RASA3: variants seen among roughly 807,000 people sequenced by gnomAD.
RASA3 encodes the protein RAS p21 protein activator 3, also known as ras GTPase-activating protein 3.
Under a neutral mutation model 110.0 loss-of-function variants are expected in RASA3, and 73 were observed. The ratio of observed to expected loss-of-function variants is 0.66; its 90% CI spans 0.55 to 0.81. The LOEUF is 0.81. Among genes scored for constraint, RASA3 ranks in the 30% least tolerant of loss-of-function variants. The pLI, the probability that RASA3 is intolerant of heterozygous loss-of-function variation, is 0.00. For missense variants in RASA3, 976 were observed against 1,113.2 expected, an observed-to-expected ratio of 0.88 and a Z score of 1.75; for synonymous variants, 500 against 451.4, an observed-to-expected ratio of 1.11 and a Z score of -1.37.
chr13:114,100,978 C>T, intron 1 of RASA3, among the ~76,000 whole-genome samples: 1 of 152,230 alleles, frequency 6.6e-6, no homozygotes, highest in Non-Finnish European at 1.5e-5. Context: ...CGGCTGACCA[C>T]ATGTGACTGA....
intron 1 of RASA3, among the ~76,000 whole-genome samples, chr13:114,090,467 G>T (rs2079876053): frequency 6.6e-6 from 1 of 152,204 alleles, no homozygotes; most frequent in South Asian, 2.1e-4. Context: ...TCTCTGAAGA[G>T]AAGGGACCGA....
At position 113,995,137 on chromosome 13, in the gene RASA3, A is replaced by G. The variant is rs551762042; in HGVS notation, c.2141+1394T>C. Among the ~76,000 whole-genome samples the G allele has an allele frequency of 5.3e-5, 8 of 152,354 alleles. No homozygotes were observed. The South Asian group carries it at 1.0e-3, about 20-fold the overall frequency. On this transcript the variant is annotated intron_variant, in intron 21 of 23. Transcript: ENST00000334062. The stretch of plus-strand genomic sequence containing the variant: ...GAGCAAACTCGGCAGACGTGTTCTC[A>G]TGGAGATAAATGGCCTGGAAGGAAG...
intron 23 of RASA3, 80 bp from the exon 24 acceptor site, chr13:113,979,502 G>A (rs184330604): frequency 4.9e-4 from 560 of 1,133,290 alleles, no homozygotes; most frequent in Non-Finnish European, 7.0e-4. Flanking sequence ...AGCTTTTCCT[G>A]TTCCTAAATG....
rs144655644 is a variant in RASA3 at position 114,053,697 on chromosome 13, C to G, written c.174-1542G>C. Among the ~76,000 whole-genome samples the G allele has an allele frequency of 6.0e-3, 911 of 152,342 alleles. 2 individuals carry two copies. Among genetic ancestry groups the G allele is most frequent in the African/African-American group, 0.018 (731 of 41,556 alleles). On this transcript the variant is annotated intron_variant, in intron 2 of 23. Transcript: ENST00000334062. Reference sequence around the variant, plus strand: ...CTCTCAGAAGAAAATGAGAATGAACCTGCACCCTAAAGTCAGGTAAAGATG... The same window carrying G: ...CTCTCAGAAGAAAATGAGAATGAACGTGCACCCTAAAGTCAGGTAAAGATG...
rs1279799329 is a variant in RASA3, at chr13:113,995,762, C to T, written c.2141+769G>A. ...CTGACGGGGGCCCGGCTGACGGGGG[C>T]CCGGCTGACGGGGGGCCCGGCTGAC... On this transcript the variant is annotated intron_variant, in intron 21 of 23. Transcript: ENST00000334062. Among the ~76,000 whole-genome samples, 13 of 19,488 alleles carry T rather than the reference C, an allele frequency of 6.7e-4. 2 individuals are homozygous for T. Among genetic ancestry groups the T allele is most frequent in the Non-Finnish European group, 9.6e-4 (12 of 12,468 alleles). The allele number at this position is 19,488 out of a possible 152,430, so 12.8% of individuals were successfully genotyped here.
At chr13:114,124,010 C>T (rs1288943056) in intron 1 of RASA3, among the ~76,000 whole-genome samples, 4 of 152,158 alleles carry the variant, frequency 2.6e-5, no homozygotes, top group Admixed American at 1.3e-4. Flanking sequence ...GTCAAGGCAC[C>T]GGTTTCGGTC....
intron 1 of RASA3, among the ~76,000 whole-genome samples, chr13:114,088,595 A>T (rs1191253317): frequency 6.7e-6 from 1 of 149,326 alleles, no homozygotes; most frequent in East Asian, 1.9e-4. Flanking sequence ...TTTATTGCCC[A>T]GGCTGGAGTG....
rs10638832 is a variant in RASA3 at position 114,014,022 on chromosome 13, C to CTCTATCTCTCTCTCCATCTCTA, written c.1406-775_1406-774insTAGAGATGGAGAGAGAGATAGA. Among the ~76,000 whole-genome samples, 1 of 120,334 alleles carries CTCTATCTCTCTCTCCATCTCTA rather than the reference C, an allele frequency of 8.3e-6. No individual in the cohort carries two copies. The highest frequency in any genetic ancestry group is 1.8e-5 in the Non-Finnish European group (1 of 54,980). The allele number at this position is 120,334 out of a possible 152,430, so 78.9% of individuals were successfully genotyped here. A position where few individuals can be genotyped will look rare whatever the true frequency, so the allele number is the denominator to read the frequency against. ...TCCGTCTGTCTCTGTCTCTCTCCAT[C>CTCTATCTCTCTCTCCATCTCTA]TCTCTCTCTCCGTCTCTATCTCTCT... On this transcript the variant is annotated intron_variant, in intron 14 of 23. Transcript: ENST00000334062. This position sits in a 1 kb window ranked among gnomAD's most constrained non-coding sequence, Gnocchi z 4.5.
At chr13:114,025,518 A>C (rs758027505) in intron 7 of RASA3, among the ~76,000 whole-genome samples, 4 of 152,106 alleles carry the variant, frequency 2.6e-5, no homozygotes, top group Non-Finnish European at 5.9e-5. Flanking sequence ...TCTGCAGGGC[A>C]GGTCGGGAGC....
chr13:114,028,196 T>C (rs1309851124), intron 5 of RASA3, among the ~76,000 whole-genome samples: 1 of 130,428 alleles, frequency 7.7e-6, no homozygotes, highest in Non-Finnish European at 1.6e-5. Flanking sequence ...TAAAGCAGCG[T>C]CATCGGGGGG....
At position 114,096,657 on chromosome 13, in the gene RASA3, T is replaced by C. The variant is rs1054273595; in HGVS notation, c.56-22820A>G. ...TCCCAAACGCCTTCCCTTTCCATTC[T>C]CTAAATACTGTAGCACCACACTGAC... On this transcript the variant is annotated intron_variant, in intron 1 of 23. Transcript: ENST00000334062. This position sits in a 1 kb window ranked among gnomAD's most constrained non-coding sequence, Gnocchi z 5.1. Among the ~76,000 whole-genome samples the C allele has an allele frequency of 6.6e-6, 1 of 152,002 alleles. No homozygotes were observed. The highest frequency in any genetic ancestry group is 1.5e-5 in the Non-Finnish European group (1 of 68,004).
intron 2 of RASA3, among the ~76,000 whole-genome samples, chr13:114,061,357 A>G (rs938804982): frequency 6.6e-6 from 1 of 152,136 alleles, no homozygotes; most frequent in Admixed American, 6.5e-5. Flanking sequence ...GGTTTCTAAA[A>G]ACCCCAGGCG....
At chr13:114,028,430 G>A (rs2054075772) in intron 5 of RASA3, among the ~76,000 whole-genome samples, 1 of 150,064 alleles carries the variant, frequency 6.7e-6, no homozygotes, top group Admixed American at 6.6e-5. Flanking sequence ...GCATCATCCT[G>A]GGGGCCAGGA....
At chr13:114,123,239 G>A (rs2080403087) in intron 1 of RASA3, among the ~76,000 whole-genome samples, 1 of 152,206 alleles carries the variant, frequency 6.6e-6, no homozygotes, top group Admixed American at 6.5e-5. Flanking sequence ...CAGAGCAATG[G>A]CTGCTCTGGG....
At chr13:114,122,045 T>C (rs913884574) in intron 1 of RASA3, among the ~76,000 whole-genome samples, 2 of 152,178 alleles carry the variant, frequency 1.3e-5, no homozygotes, top group African/African-American at 4.8e-5. Context: ...CCACCGCAAA[T>C]CCCAGAATCT....
At chr13:114,116,040 G>C (rs2080270893) in intron 1 of RASA3, among the ~76,000 whole-genome samples, 1 of 152,206 alleles carries the variant, frequency 6.6e-6, no homozygotes, top group African/African-American at 2.4e-5. Flanking sequence ...GGCCTGGAGG[G>C]TGACAGGTCA....
At position 114,015,297 on chromosome 13, in the gene RASA3, G is replaced by A. The variant is rs758936297; in HGVS notation, c.1317C>T (p.His439=). Residue 439 remains histidine (H), a synonymous_variant, in exon 14 of 24, where the codon CAC becomes CAT. Transcript: ENST00000334062. The part of the protein sequence containing the change: ...NLRQYVDRVF[H]AITESGVSCP... ...AGCTCACCCCAGACTCAGTGATGGCGTGGAAGACGCGGTCCACATACTGCC... is the reference window on the plus strand; with the variant it reads ...AGCTCACCCCAGACTCAGTGATGGCATGGAAGACGCGGTCCACATACTGCC... The A allele has an allele frequency of 3.1e-5, 50 of 1,612,950 alleles. No homozygotes were observed. The Admixed American group carries it at 5.8e-4, about 19-fold the overall frequency.
chr13:114,104,545 C>T (rs1020484132), intron 1 of RASA3, among the ~76,000 whole-genome samples: 1 of 152,148 alleles, frequency 6.6e-6, no homozygotes, highest in African/African-American at 2.4e-5. Context: ...CGGGCACACC[C>T]AGCGCAATTA....
chr13:113,989,397 T>TCCA (rs1249162144), intron 22 of RASA3, among the ~76,000 whole-genome samples: 90 of 108,774 alleles, frequency 8.3e-4, no homozygotes, highest in Non-Finnish European at 1.3e-3. Context: ...CATCCGTCCA[T>TCCA]CCATCACTCA....
Sources: allele counts gnomAD v4.1 joint callset (sites outside exome capture counted in the v4.1 genomes callset), GRCh38; gene constraint gnomAD v4.1.1; non-coding constraint Gnocchi (gnomAD v3.1); transcripts MANE v1.5; gene names NCBI Gene and HGNC (gene_info 2026-07-23, HGNC 2026-07-21).